DSCAML1: variants seen among roughly 807,000 people sequenced by gnomAD.
DSCAML1 encodes DS cell adhesion molecule like 1, also known as cell adhesion molecule DSCAML1.
A neutral mutation model predicts 200.5 loss-of-function variants in DSCAML1; 38 were observed. The observed-to-expected ratio is 0.19, with a 90% CI of 0.15 to 0.25. The LOEUF is 0.25. DSCAML1 is among the 10% of genes least tolerant of loss of function. The pLI, the probability that DSCAML1 is intolerant of heterozygous loss-of-function variation, is 1.00. For missense variants in DSCAML1, 2,223 were observed against 2,858.8 expected, an observed-to-expected ratio of 0.78 and a Z score of 5.07; for synonymous variants, 1,215 against 1,165.0, an observed-to-expected ratio of 1.04 and a Z score of -0.87.
rs1259374960 is a variant in DSCAML1, at chr11:117,514,582, T to C, written c.1783+1885A>G. ...TTTTCTTTTCTTTTTCTTTTTTTTT[T>C]TTTTTTTTTTTTTTTTTGAGATGGA... On this transcript the variant is annotated intron_variant, in intron 8 of 32. Coordinates refer to ENST00000651296, the MANE Select transcript of DSCAML1 (RefSeq NM_020693.4). 2.0e-3 allele frequency among the ~76,000 whole-genome samples: 244 copies of C among 120,410 alleles called. 2 individuals carry two copies. The highest frequency in any genetic ancestry group is 7.2e-3 in the African/African-American group (209 of 29,062). The allele number at this position is 120,410 out of a possible 152,430, so 79.0% of individuals were successfully genotyped here. A position where few individuals can be genotyped will look rare whatever the true frequency, so the allele number is the denominator to read the frequency against.
intron 3 of DSCAML1, among the ~76,000 whole-genome samples, chr11:117,608,865 G>A (rs561603883): frequency 0.048 from 1,042 of 21,546 alleles, 17 homozygotes; most frequent in African/African-American, 0.15. Context: ...TGCTGACATT[G>A]AGCATTATAT....
At chr11:117,598,646 A>G (rs1202650317) in intron 3 of DSCAML1, among the ~76,000 whole-genome samples, 2 of 152,084 alleles carry the variant, frequency 1.3e-5, no homozygotes, top group Middle Eastern at 3.2e-3. Flanking sequence ...AAGTCCAAAC[A>G]TGTCTTTGCT....
At chr11:117,479,758 C>T (rs1012959336) in intron 14 of DSCAML1, among the ~76,000 whole-genome samples, 2 of 152,228 alleles carry the variant, frequency 1.3e-5, no homozygotes, top group Non-Finnish European at 2.9e-5. Context: ...AAACAATTCT[C>T]CTGCCTCAGC....
rs2049153602 is a variant in DSCAML1 at position 117,489,987 on chromosome 11, T to C, written c.2360-7825A>G. Among the ~76,000 whole-genome samples, 1 of 152,116 alleles carries C rather than the reference T, an allele frequency of 6.6e-6. No homozygotes were observed. Among genetic ancestry groups the C allele is most frequent in the Non-Finnish European group, 1.5e-5 (1 of 68,010 alleles). On this transcript the variant is annotated intron_variant, in intron 11 of 32. Transcript: ENST00000651296. The surrounding 1 kb of genome is among the most constrained non-coding windows in gnomAD (Gnocchi z 4.8). ...TGCCCCAGTCCACACTTAGGCTCACTCAGGGGAGCGGGGAGCCTTGCTGGG... is the reference window on the plus strand; with the variant it reads ...TGCCCCAGTCCACACTTAGGCTCACCCAGGGGAGCGGGGAGCCTTGCTGGG...
chr11:117,505,042 C>A lies in DSCAML1; in HGVS notation c.2064G>T (p.Val688=). The part of the protein sequence containing the change: ...VSRERQLIVR[V]PPRFVVQPNN... ...TGGGTTGCACCACAAATCGAGGGGG[C>A]ACTGCAGAAAGAGGGAAGGTAGGGA... The change falls in exon 10 of 33, where the codon GTG becomes GTT. Residue 688 remains valine, a splice_region_variant and synonymous_variant. Transcript: ENST00000651296. This position sits in a 1 kb window ranked among gnomAD's most constrained non-coding sequence, Gnocchi z 6.7. 1 of 1,611,042 alleles carries A rather than the reference C, an allele frequency of 6.2e-7. No homozygotes were observed.
intron 3 of DSCAML1, among the ~76,000 whole-genome samples, chr11:117,676,140 T>C (rs954709927): frequency 6.7e-6 from 1 of 150,226 alleles, no homozygotes; most frequent in African/African-American, 2.5e-5. Flanking sequence ...TATCACAAAT[T>C]GGCAGAAAAA....
chr11:117,431,829 G>C (rs1043890766), intron 30 of DSCAML1, 101 bp from the exon 31 acceptor site: 64 of 1,180,668 alleles, frequency 5.4e-5, no homozygotes, highest in Non-Finnish European at 7.0e-5. Flanking sequence ...AAGGGAAGAG[G>C]CAGATGCAGC....
chr11:117,531,926 AAGGGAGG>A (rs1273586205), intron 4 of DSCAML1, among the ~76,000 whole-genome samples: 12 of 91,808 alleles, frequency 1.3e-4, no homozygotes, highest in Admixed American at 8.3e-4. Flanking sequence ...AAGGGAAGGG[AAGGGAGG>A]AGGGAGGAGG....
At chr11:117,562,613 G>A (rs767514051) in intron 3 of DSCAML1, among the ~76,000 whole-genome samples, 1 of 152,194 alleles carries the variant, frequency 6.6e-6, no homozygotes, top group Non-Finnish European at 1.5e-5. Context: ...AACAGACTTG[G>A]GCTTGAACAC....
intron 14 of DSCAML1, 26 bp from the exon 15 acceptor site, chr11:117,472,062 G>A (rs200003041): frequency 1.1e-4 from 182 of 1,610,198 alleles, no homozygotes; most frequent in Middle Eastern, 1.8e-4. Context: ...CTATGTCAAA[G>A]CATGGCCAGG....
At chr11:117,481,124 C>T in intron 13 of DSCAML1, 50 bp downstream of exon 13, 1 of 1,568,224 alleles carries the variant, frequency 6.4e-7, no homozygotes, top group Non-Finnish European at 8.8e-7. Context: ...AGCGGTGGGC[C>T]CCTGGGCCCT....
intron 3 of DSCAML1, among the ~76,000 whole-genome samples, chr11:117,627,183 C>T (rs904791688): frequency 3.9e-5 from 6 of 152,120 alleles, no homozygotes; most frequent in Non-Finnish European, 8.8e-5. Context: ...CGGATGTGAC[C>T]GTGCTTATCC....
chr11:117,624,922 G>A (rs1030401523), intron 3 of DSCAML1, among the ~76,000 whole-genome samples: 5 of 152,204 alleles, frequency 3.3e-5, no homozygotes, highest in East Asian at 3.9e-4. Context: ...GATTGGTGAT[G>A]TTTGAACTTG....
At chr11:117,450,797 A>AGGT in intron 19 of DSCAML1, 109 bp from the exon 20 acceptor site, 1 of 1,340,280 alleles carries the variant, frequency 7.5e-7, no homozygotes. Context: ...AGCTTCTTGG[A>AGGT]GGTGGCATCC....
chr11:117,669,340 CTCTGCCTCA>C (rs2053052929), intron 3 of DSCAML1, among the ~76,000 whole-genome samples: 4 of 152,212 alleles, frequency 2.6e-5, no homozygotes, highest in Non-Finnish European at 5.9e-5. Flanking sequence ...TCTGAGAAAG[CTCTGCCTCA>C]CGTTGCCAGT....
chr11:117,695,840 G>A (rs748272128), intron 3 of DSCAML1, among the ~76,000 whole-genome samples: 6 of 152,208 alleles, frequency 3.9e-5, no homozygotes, highest in Non-Finnish European at 7.3e-5. Context: ...AATTCAAGCA[G>A]CCTCAGTTTC....
chr11:117,745,173 C>T (rs1301380927), intron 3 of DSCAML1, among the ~76,000 whole-genome samples: 1 of 128,184 alleles, frequency 7.8e-6, no homozygotes, highest in Non-Finnish European at 1.7e-5. Context: ...GGGGGGATGA[C>T]AGCTGGGAGG....
chr11:117,524,958 C>T lies in DSCAML1; in HGVS notation c.784G>A (p.Asp262Asn), dbSNP rs1295675796. The T allele has an allele frequency of 1.2e-6, 2 of 1,613,364 alleles. No homozygotes were observed. Among genetic ancestry groups the T allele is most frequent in the Non-Finnish European group, 1.7e-6 (2 of 1,179,812 alleles). Residue 262 changes from aspartate (D) to asparagine (N), a missense_variant, in exon 5 of 33, where the codon GAT (aspartate) becomes AAT (asparagine). Asp to Asn is a conservative substitution (Grantham distance 23). Coordinates refer to ENST00000651296, the MANE Select transcript of DSCAML1 (RefSeq NM_020693.4). ...CTGTCAGCCGGGAGGGGCCGGCCATCCTTGAGCCAGCGGATGGCGGGGATA... is the reference window on the plus strand; with the variant it reads ...CTGTCAGCCGGGAGGGGCCGGCCATTCTTGAGCCAGCGGATGGCGGGGATA... ...YPIPAIRWLK[D>N]GRPLPADSRW...
rs555447726 is a variant in DSCAML1, at chr11:117,773,287, C to T, written c.511+3504G>A. 2.6e-5 allele frequency among the ~76,000 whole-genome samples: 4 copies of T among 152,310 alleles called. No individual in the cohort carries two copies. In the East Asian group the frequency reaches 7.8e-4, roughly 30 times the overall value. On this transcript the variant is annotated intron_variant, in intron 3 of 32. Coordinates refer to ENST00000651296, the MANE Select transcript of DSCAML1 (RefSeq NM_020693.4). ...GCCTCCTGGGGCTCTGATGGGCCCA[C>T]ACCAGTCTCCCTGCTCCTTCTGTGT...
Sources: allele counts gnomAD v4.1 joint callset (sites outside exome capture counted in the v4.1 genomes callset), GRCh38; gene constraint gnomAD v4.1.1; non-coding constraint Gnocchi (gnomAD v3.1); transcripts MANE v1.5; gene names NCBI Gene and HGNC (gene_info 2026-07-23, HGNC 2026-07-21).